ROR1: variants seen among roughly 807,000 people sequenced by gnomAD.
The protein encoded by ROR1 is ROR family WNT receptor 1.
Under a neutral mutation model 78.8 loss-of-function variants are expected in ROR1, and 19 were observed. That is an observed-to-expected ratio of 0.24 (90% confidence interval 0.17 to 0.35). ROR1 has a LOEUF of 0.35. Among genes scored for constraint, ROR1 ranks in the 10% least tolerant of loss-of-function variants. The probability of loss-of-function intolerance (pLI) is 1.00; values close to 1 mark genes in which losing one functional copy is unlikely to be tolerated. For synonymous variants in ROR1, 386 were observed against 433.6 expected, an observed-to-expected ratio of 0.89 and a Z score of 1.36; for missense variants, 917 against 1,177.8, an observed-to-expected ratio of 0.78 and a Z score of 3.24.
chr1:63,992,112 C>T (rs1404585533), intron 1 of ROR1, among the ~76,000 whole-genome samples: 1 of 151,948 alleles, frequency 6.6e-6, no homozygotes, highest in Non-Finnish European at 1.5e-5. Flanking sequence ...TTGTATATGT[C>T]AGAGTCTGTT....
At chr1:64,006,240 A>G (rs956581139) in intron 1 of ROR1, among the ~76,000 whole-genome samples, 22 of 152,246 alleles carry the variant, frequency 1.4e-4, no homozygotes, top group African/African-American at 5.3e-4. Flanking sequence ...GTTCATTTTA[A>G]TCCCACCACT....
chr1:64,159,557 T>C (rs1034088412), intron 8 of ROR1, among the ~76,000 whole-genome samples: 1 of 152,168 alleles, frequency 6.6e-6, no homozygotes, highest in Non-Finnish European at 1.5e-5. Flanking sequence ...GAGAACAAGA[T>C]CCATCATTGT....
intron 2 of ROR1, among the ~76,000 whole-genome samples, chr1:64,019,422 GTGT>G (rs1646546867): frequency 6.6e-6 from 1 of 152,158 alleles, no homozygotes; most frequent in Non-Finnish European, 1.5e-5. Context: ...CAGCCTTCAA[GTGT>G]TGTTGTAAGT....
intron 4 of ROR1, among the ~76,000 whole-genome samples, chr1:64,067,833 C>T (rs1007161736): frequency 7.9e-5 from 12 of 151,676 alleles, no homozygotes; most frequent in African/African-American, 2.9e-4. Context: ...CTGCCTCAGC[C>T]TCCTGAGTAG....
At chr1:63,992,443 T>C (rs1260796195) in intron 1 of ROR1, among the ~76,000 whole-genome samples, 1 of 152,086 alleles carries the variant, frequency 6.6e-6, no homozygotes, top group African/African-American at 2.4e-5. Flanking sequence ...CCTGACCTCA[T>C]GATCCACCCG....
intron 1 of ROR1, among the ~76,000 whole-genome samples, chr1:63,967,303 A>G (rs956517549): frequency 6.6e-6 from 1 of 152,186 alleles, no homozygotes; most frequent in African/African-American, 2.4e-5. Flanking sequence ...CTGAGAAAAA[A>G]CATTCCTGCA....
chr1:63,792,715 G>A (rs527288092), intron 1 of ROR1, among the ~76,000 whole-genome samples: 3 of 152,318 alleles, frequency 2.0e-5, no homozygotes, highest in South Asian at 2.1e-4. Flanking sequence ...TTCTTATTAC[G>A]CCAATTCTCA....
At chr1:63,780,003 A>T (rs909876362) in intron 1 of ROR1, among the ~76,000 whole-genome samples, 6 of 152,208 alleles carry the variant, frequency 3.9e-5, no homozygotes. Context: ...ACATCCTCAG[A>T]TGAAAAGGTT....
intron 2 of ROR1, among the ~76,000 whole-genome samples, chr1:64,021,188 C>T (rs1353485263): frequency 1.3e-5 from 2 of 152,076 alleles, no homozygotes; most frequent in Non-Finnish European, 1.5e-5. Context: ...GAACTCTGGC[C>T]GTTGGACTAT....
chr1:64,026,615 G>T (rs1646612336), intron 2 of ROR1, among the ~76,000 whole-genome samples: 1 of 152,156 alleles, frequency 6.6e-6, no homozygotes, highest in South Asian at 2.1e-4. Flanking sequence ...AAAGAAAGGA[G>T]GTTTAATTGA....
At chr1:63,941,206 T>C (rs1322514217) in intron 1 of ROR1, among the ~76,000 whole-genome samples, 1 of 152,194 alleles carries the variant, frequency 6.6e-6, no homozygotes, top group Non-Finnish European at 1.5e-5. Context: ...AACTGGGATA[T>C]GGCCTCTGGA....
At chr1:63,853,361 A>G (rs902273902) in intron 1 of ROR1, among the ~76,000 whole-genome samples, 1 of 152,202 alleles carries the variant, frequency 6.6e-6, no homozygotes, top group Admixed American at 6.5e-5. Context: ...TCTGCCCAAG[A>G]TCATATATAG....
intron 8 of ROR1, among the ~76,000 whole-genome samples, chr1:64,174,167 A>T (rs1450725312): frequency 1.3e-5 from 2 of 152,172 alleles, no homozygotes; most frequent in African/African-American, 2.4e-5. Context: ...AATTACGTTC[A>T]TACATCGTTG....
At chr1:63,863,556 A>G (rs764757681) in intron 1 of ROR1, among the ~76,000 whole-genome samples, 3 of 152,168 alleles carry the variant, frequency 2.0e-5, no homozygotes, top group Non-Finnish European at 2.9e-5. Context: ...TGATAATGCA[A>G]AGCTGTGTGC....
chr1:63,810,350 C>G (rs901941429), intron 1 of ROR1, among the ~76,000 whole-genome samples: 2 of 152,170 alleles, frequency 1.3e-5, no homozygotes, highest in African/African-American at 4.8e-5. Flanking sequence ...AGCCCTGAAT[C>G]TCTTATGTGC....
Position 63,836,096 on chromosome 1 carries a change from G to A in ROR1, c.91+61588G>A, listed in dbSNP as rs185214192. Among the ~76,000 whole-genome samples the A allele has an allele frequency of 1.4e-4, 21 of 152,294 alleles. No individual in the cohort carries two copies. In the East Asian group the frequency reaches 3.5e-3, roughly 25 times the overall value. On this transcript the variant is annotated intron_variant, in intron 1 of 8. Coordinates refer to ENST00000371079, the MANE Select transcript of ROR1 (RefSeq NM_005012.4). The stretch of plus-strand genomic sequence containing the variant: ...TGCTGCTTGCTTTTTGTAAACTATT[G>A]CATTCCTTCCTCCCAATAGCCCCAC...
Position 64,049,857 on chromosome 1 carries a change from C to T in ROR1, c.330C>T (p.Thr110=), listed in dbSNP as rs766638248. 6.2e-7 allele frequency: 1 copy of T among 1,614,218 alleles called. No homozygotes were observed. The highest frequency in any genetic ancestry group is 1.3e-5 in the African/African-American group (1 of 75,066). ...CCCGGAGGCTCTCCTTTCGGTCCAC[C>T]ATCTATGGCTCTCGGCTGCGGATTA... ...QEPRRLSFRS[T]IYGSRLRIRN... is the part of the protein sequence containing the mutation. The change falls in exon 3 of 9, where the codon ACC becomes ACT. Residue 110 remains threonine, a synonymous_variant. Transcript: ENST00000371079.
intron 8 of ROR1, among the ~76,000 whole-genome samples, chr1:64,174,911 T>C (rs1179894560): frequency 6.6e-6 from 1 of 151,676 alleles, no homozygotes. Flanking sequence ...CCCACAAGAA[T>C]ACAGACCCTA....
At chr1:64,069,112 T>C (rs1404879099) in intron 4 of ROR1, among the ~76,000 whole-genome samples, 1 of 152,182 alleles carries the variant, frequency 6.6e-6, no homozygotes, top group African/African-American at 2.4e-5. Context: ...AGGACATTTA[T>C]TTAATTCTAA....
Sources: allele counts gnomAD v4.1 joint callset (sites outside exome capture counted in the v4.1 genomes callset), GRCh38; gene constraint gnomAD v4.1.1; transcripts MANE v1.5; gene names NCBI Gene and HGNC (gene_info 2026-07-23, HGNC 2026-07-21).